Variants in PIGL observed in about 807,000 individuals in gnomAD.
PIGL encodes the protein N-acetylglucosaminyl-phosphatidylinositol de-N-acetylase.
Under a neutral mutation model 31.1 loss-of-function variants are expected in PIGL, and 22 were observed. The observed-to-expected ratio is 0.71, with a 90% CI of 0.51 to 1.01. The LOEUF (loss-of-function observed/expected upper bound fraction) is 1.01. PIGL is among the 50% of genes least tolerant of loss of function. The pLI, the probability that PIGL is intolerant of heterozygous loss-of-function variation, is 0.00. For synonymous variants in PIGL, 131 were observed against 117.4 expected, an observed-to-expected ratio of 1.12 and a Z score of -0.75; for missense variants, 302 against 315.9, an observed-to-expected ratio of 0.96 and a Z score of 0.33.
chr17:16,236,201 G>A lies in PIGL; in HGVS notation c.335+2131G>A, dbSNP rs577975198. ...TTTCAGAATAAAGAGTTGATACGCC[G>A]TACACCTACAGTCGTGATCTATTGT... On this transcript the variant is annotated intron_variant, in intron 2 of 6. Coordinates refer to ENST00000225609, the MANE Select transcript of PIGL (RefSeq NM_004278.4). 5.3e-5 allele frequency among the ~76,000 whole-genome samples: 8 copies of A among 152,154 alleles called. No individual in the cohort carries two copies. In the South Asian group the frequency reaches 1.4e-3, roughly 28 times the overall value.
At chr17:16,226,894 G>A (rs568137735) in intron 1 of PIGL, among the ~76,000 whole-genome samples, 4 of 152,226 alleles carry the variant, frequency 2.6e-5, no homozygotes, top group South Asian at 2.1e-4. Flanking sequence ...TGGGTCAGCC[G>A]CATAATACCT....
intron 2 of PIGL, among the ~76,000 whole-genome samples, chr17:16,271,767 T>C (rs946492559): frequency 1.3e-5 from 2 of 152,146 alleles, no homozygotes; most frequent in Admixed American, 1.3e-4. Flanking sequence ...CCTGACCTCA[T>C]GGTCTGCCCG....
chr17:16,267,311 G>A (rs1487090376), intron 2 of PIGL, among the ~76,000 whole-genome samples: 1 of 152,142 alleles, frequency 6.6e-6, no homozygotes, highest in East Asian at 1.9e-4. Context: ...TTCACATTGA[G>A]TAGGCTATCT....
rs188755530 is a variant in PIGL at position 16,247,467 on chromosome 17, G to C, written c.335+13397G>C. Among the ~76,000 whole-genome samples the C allele has an allele frequency of 6.6e-5, 10 of 152,320 alleles. No individual in the cohort carries two copies. In the East Asian group the frequency reaches 1.7e-3, roughly 26 times the overall value. On this transcript the variant is annotated intron_variant, in intron 2 of 6. Transcript: ENST00000225609. Reference sequence around the variant, plus strand: ...AAATATAAGGAATGGAGAGGCATAGGATAGATATTTTCATTCCAAAAGGGA... The same window carrying C: ...AAATATAAGGAATGGAGAGGCATAGCATAGATATTTTCATTCCAAAAGGGA...
chr17:16,258,339 C>G (rs1478422842), intron 2 of PIGL, among the ~76,000 whole-genome samples: 1 of 150,622 alleles, frequency 6.6e-6, no homozygotes, highest in Non-Finnish European at 1.5e-5. Context: ...GCCACCACAC[C>G]TGGCTAATTT....
intron 1 of PIGL, among the ~76,000 whole-genome samples, chr17:16,219,109 TA>T (rs1205806915): frequency 1.4e-5 from 2 of 143,712 alleles, no homozygotes; most frequent in African/African-American, 5.2e-5. Context: ...CTCTATCGCC[TA>T]GGCTGGAGTG....
At chr17:16,298,319 A>C (rs2092991063) in intron 2 of PIGL, among the ~76,000 whole-genome samples, 1 of 152,206 alleles carries the variant, frequency 6.6e-6, no homozygotes, top group Non-Finnish European at 1.5e-5. Context: ...GGTAGGGAGC[A>C]GAGCCCATGT....
At chr17:16,322,651 T>A (rs374877095) in intron 6 of PIGL, among the ~76,000 whole-genome samples, 1 of 152,152 alleles carries the variant, frequency 6.6e-6, no homozygotes, top group Non-Finnish European at 1.5e-5. Flanking sequence ...TGTAGTTCTA[T>A]ATTTATGAAT....
In PIGL at chr17:16,326,372, C is replaced by G. The variant is rs1387196806; in HGVS notation, c.*474C>G. The G allele has an allele frequency of 1.3e-5, 2 of 159,122 alleles. No homozygotes were observed. Among genetic ancestry groups the G allele is most frequent in the African/African-American group, 4.8e-5 (2 of 41,494 alleles). The allele number at this position is 159,122 out of a possible 1,614,324, so 9.9% of individuals were successfully genotyped here. On this transcript the variant is annotated 3_prime_UTR_variant, in exon 7 of 7. Transcript: ENST00000225609. Reference sequence around the variant, plus strand: ...ATAATTCCTTTGATTTTTCTTGTATCAGAATGTGGGTCTAGGAAAAACTTG... The same window carrying G: ...ATAATTCCTTTGATTTTTCTTGTATGAGAATGTGGGTCTAGGAAAAACTTG...
At chr17:16,291,733 C>T (rs1455734387) in intron 2 of PIGL, among the ~76,000 whole-genome samples, 1 of 151,300 alleles carries the variant, frequency 6.6e-6, no homozygotes, top group South Asian at 2.1e-4. Context: ...GGCATGATGG[C>T]GGGTGCCTGT....
intron 1 of PIGL, among the ~76,000 whole-genome samples, chr17:16,231,215 CTGATT>C (rs1251141911): frequency 6.8e-6 from 1 of 146,854 alleles, no homozygotes; most frequent in East Asian, 2.0e-4. Flanking sequence ...CAGCTTCTTA[CTGATT>C]TATTTTCTTT....
rs372683609 is a variant in PIGL, at chr17:16,220,483, T to TATTTA, written c.235+3022_235+3023insATTTA. On this transcript the variant is annotated intron_variant, in intron 1 of 6. Coordinates refer to ENST00000225609, the MANE Select transcript of PIGL (RefSeq NM_004278.4). ...ATTTGTGTTTTTTTAAATTGTTATT[T>TATTTA]TTTTTTTTTTTTTTTTTTTTTTTGA... is the stretch of plus-strand genomic sequence containing the variant. 1.1e-3 allele frequency among the ~76,000 whole-genome samples: 128 copies of TATTTA among 115,204 alleles called. 28 individuals carry two copies. Among genetic ancestry groups the TATTTA allele is most frequent in the African/African-American group, 8.5e-4 (23 of 26,942 alleles). 75.6% of individuals were successfully genotyped at this position (115,204 alleles called of 152,430 possible).
intron 2 of PIGL, among the ~76,000 whole-genome samples, chr17:16,258,153 GAGA>G (rs2092804618): frequency 6.8e-6 from 1 of 148,062 alleles, no homozygotes; most frequent in Non-Finnish European, 1.5e-5. Flanking sequence ...GAGAGAGAGA[GAGA>G]GAAAACTCGG....
intron 2 of PIGL, among the ~76,000 whole-genome samples, chr17:16,287,424 C>T (rs1490749289): frequency 6.6e-6 from 1 of 152,236 alleles, no homozygotes; most frequent in Non-Finnish European, 1.5e-5. Context: ...GTAGAGCATC[C>T]CTGCTTCCCT....
At chr17:16,291,657 G>A (rs1210674310) in intron 2 of PIGL, among the ~76,000 whole-genome samples, 1 of 152,008 alleles carries the variant, frequency 6.6e-6, no homozygotes, top group African/African-American at 2.4e-5. Flanking sequence ...CCTGAGGTCA[G>A]GAGTTCGAGA....
intron 3 of PIGL, among the ~76,000 whole-genome samples, chr17:16,304,747 A>C (rs1258158247): frequency 6.6e-6 from 1 of 151,988 alleles, no homozygotes; most frequent in East Asian, 1.9e-4. Context: ...TCATTCAGTA[A>C]GTATTTATTA....
intron 2 of PIGL, among the ~76,000 whole-genome samples, chr17:16,263,833 CTTTTTTTTTTT>C (rs913026747): frequency 1.3e-5 from 1 of 76,980 alleles, no homozygotes; most frequent in Non-Finnish European, 2.4e-5. Context: ...TAAATGTTGA[CTTTTTTTTTTT>C]TTTTTTTTTT....
At chr17:16,224,700 A>G (rs1404257473) in intron 1 of PIGL, among the ~76,000 whole-genome samples, 1 of 152,092 alleles carries the variant, frequency 6.6e-6, no homozygotes, top group Non-Finnish European at 1.5e-5. Context: ...TCTGACGTCC[A>G]GGCTGGAGTG....
chr17:16,218,608 T>C (rs897143270), intron 1 of PIGL, among the ~76,000 whole-genome samples: 4 of 152,162 alleles, frequency 2.6e-5, no homozygotes, highest in Non-Finnish European at 1.5e-5. Context: ...GAGTATTAAT[T>C]TTTAAAATTG....
Sources: allele counts gnomAD v4.1 joint callset (sites outside exome capture counted in the v4.1 genomes callset), GRCh38; gene constraint gnomAD v4.1.1; transcripts MANE v1.5; gene names NCBI Gene and HGNC (gene_info 2026-07-23, HGNC 2026-07-21).